The following RARA variants were observed in gnomAD, a reference collection of about 807,000 sequenced individuals.
RARA encodes retinoic acid receptor alpha.
RARA carries 5 observed loss-of-function variants against 42.8 expected under a neutral mutation model. That is an observed-to-expected ratio of 0.12 (90% CI 0.06 to 0.25). The LOEUF (loss-of-function observed/expected upper bound fraction) is 0.25, where lower values mean the gene tolerates loss of function less well. Ranked by LOEUF, RARA falls within the 10% of genes least tolerant of loss-of-function variation. The probability of loss-of-function intolerance (pLI) is 1.00; values close to 1 mark genes in which losing one functional copy is unlikely to be tolerated. For missense variants in RARA, 402 were observed against 628.7 expected (o/e 0.64, Z 3.86); for synonymous variants, 256 against 259.5 (o/e 0.99, Z 0.13).
In RARA at chr17:40,342,613, C is replaced by T. The variant is rs2034106795; in HGVS notation, c.179-5703C>T. On this transcript the variant is annotated intron_variant, in intron 2 of 8. Transcript: ENST00000254066. The stretch of plus-strand genomic sequence containing the variant: ...GGGGCGAGGGGACGTCTCCTCTCCC[C>T]CAGCTGCTCTGCTCGGATGGCGCCG... 4.7e-6 allele frequency: 7 copies of T among 1,486,266 alleles called. No individual in the cohort carries two copies. In the East Asian group the frequency reaches 9.9e-5, roughly 21 times the overall value. 92.1% of individuals were successfully genotyped at this position (1,486,266 alleles called of 1,614,324 possible).
intron 2 of RARA, among the ~76,000 whole-genome samples, chr17:40,336,173 G>T (rs1456145665): frequency 6.6e-6 from 1 of 152,074 alleles, no homozygotes; most frequent in Non-Finnish European, 1.5e-5. Context: ...CTGCCTCCAG[G>T]TTCAAGCGAT....
chr17:40,341,911 TGTA>T (rs1598566510), intron 2 of RARA: 2 of 1,087,744 alleles, frequency 1.8e-6, no homozygotes, highest in East Asian at 6.9e-5. Context: ...GGCGTCCCTC[TGTA>T]CTCTGTGTAC....
intron 3 of RARA, chr17:40,349,472 A>G (rs910616642): frequency 1.7e-5 from 5 of 299,720 alleles, no homozygotes; most frequent in Admixed American, 4.8e-5. Context: ...AGTTAGCCCC[A>G]TGTCTTCCTA....
intron 1 of RARA, among the ~76,000 whole-genome samples, chr17:40,315,131 T>C (rs1204150831): frequency 1.6e-4 from 10 of 62,624 alleles, no homozygotes; most frequent in South Asian, 5.5e-4. Context: ...TGCTTATATG[T>C]GTATATATAT....
chr17:40,351,821 CA>C lies in RARA; in HGVS notation c.470-88del. ...TGCTTACAAGCCTGGGTGACCTCCT[CA>C]GCAGCTGGCAGCTCTCTGTCAGGCT... On this transcript the variant is annotated intron_variant, in intron 4 of 8. Coordinates refer to ENST00000254066, the MANE Select transcript of RARA (RefSeq NM_000964.4). This position sits in a 1 kb window ranked among gnomAD's most constrained non-coding sequence, Gnocchi z 4.1. The C allele has an allele frequency of 6.6e-7, 1 of 1,521,358 alleles. No individual in the cohort carries two copies. The highest frequency in any genetic ancestry group is 8.8e-7 in the Non-Finnish European group (1 of 1,135,264). The allele number at this position is 1,521,358 out of a possible 1,614,324, so 94.2% of individuals were successfully genotyped here.
At chr17:40,349,742 C>G in intron 3 of RARA, 42 bp from the exon 4 acceptor site, 1 of 1,610,922 alleles carries the variant, frequency 6.2e-7, no homozygotes, top group Non-Finnish European at 8.5e-7. Context: ...ACTGCTCCCA[C>G]TGTGGGTGTG....
chr17:40,356,879 T>C lies in RARA; in HGVS notation c.*653T>C, dbSNP rs1055476590. The C allele has an allele frequency of 4.7e-6, 2 of 421,648 alleles. No homozygotes were observed. The highest frequency in any genetic ancestry group is 8.8e-6 in the Non-Finnish European group (2 of 227,304). 26.1% of individuals were successfully genotyped at this position (421,648 alleles called of 1,614,324 possible). ...GGGTGGGTCCGGGGGAGGGAGTGGCTCGGAAGGGGCCCCCACTCTCCTTTC... is the reference window on the plus strand; with the variant it reads ...GGGTGGGTCCGGGGGAGGGAGTGGCCCGGAAGGGGCCCCCACTCTCCTTTC... On this transcript the variant is annotated 3_prime_UTR_variant, in exon 9 of 9. Transcript: ENST00000254066.
chr17:40,350,342 A>G lies in RARA; in HGVS notation c.469+417A>G, dbSNP rs1194247322. 2.8e-5 allele frequency: 5 copies of G among 177,306 alleles called. No individual in the cohort carries two copies. The East Asian group carries it at 5.1e-4, about 18-fold the overall frequency. The allele number at this position is 177,306 out of a possible 1,614,324, so 11.0% of individuals were successfully genotyped here. The stretch of plus-strand genomic sequence containing the variant: ...TTCTGAGGGGTGCTTGGCTGGACTT[A>G]TGTGTGTATGGGGGGGTGGAAGGGC... On this transcript the variant is annotated intron_variant, in intron 4 of 8. Transcript: ENST00000254066.
Position 40,355,574 on chromosome 17 carries a change from G to A in RARA, c.1171+153G>A, listed in dbSNP as rs966444773. Among the ~76,000 whole-genome samples the A allele has an allele frequency of 2.0e-5, 3 of 152,334 alleles. No homozygotes were observed. The highest frequency in any genetic ancestry group is 3.4e-3 in the Middle Eastern group (1 of 294). On this transcript the variant is annotated intron_variant, in intron 8 of 8. Transcript: ENST00000254066. This position sits in a 1 kb window ranked among gnomAD's most constrained non-coding sequence, Gnocchi z 4.1. ...GGTCCCCTAGTGACTCCACTTTGCCGAGGTGGCCCGCCTGTGTCACCTTTG... is the reference window on the plus strand; with the variant it reads ...GGTCCCCTAGTGACTCCACTTTGCCAAGGTGGCCCGCCTGTGTCACCTTTG...
Position 40,352,208 on chromosome 17 carries a change from T to C in RARA, c.631-123T>C. On this transcript the variant is annotated intron_variant, in intron 5 of 8. Transcript: ENST00000254066. This position sits in a 1 kb window ranked among gnomAD's most constrained non-coding sequence, Gnocchi z 4.9. ...TCCCCTCTCTTCTCCCTCCTCCTGC[T>C]GCCTCTTCCCAAGGAGCTCCCAGGA... The C allele has an allele frequency of 6.7e-7, 1 of 1,499,148 alleles. No individual in the cohort carries two copies. Among genetic ancestry groups the C allele is most frequent in the Non-Finnish European group, 8.8e-7 (1 of 1,130,768 alleles). 92.9% of individuals were successfully genotyped at this position (1,499,148 alleles called of 1,614,324 possible). A position where few individuals can be genotyped will look rare whatever the true frequency, so the allele number is the denominator to read the frequency against.
intron 1 of RARA, among the ~76,000 whole-genome samples, chr17:40,315,905 C>A (rs1046155351): frequency 6.6e-6 from 1 of 152,240 alleles, no homozygotes; most frequent in South Asian, 2.1e-4. Context: ...TGAGGCGCCC[C>A]GAGCCTGTGG....
At chr17:40,341,543 G>A (rs1356186906) in intron 2 of RARA, 5 of 1,443,736 alleles carry the variant, frequency 3.5e-6, no homozygotes, top group Non-Finnish European at 3.7e-6. Context: ...GAGGTGGCCC[G>A]GTTCGGCCGG....
intron 1 of RARA, among the ~76,000 whole-genome samples, chr17:40,310,540 C>A (rs548649798): frequency 1.2e-4 from 18 of 152,080 alleles, no homozygotes; most frequent in South Asian, 1.0e-3. Flanking sequence ...CTCCCCGGGT[C>A]CCCTAAAGGT....
At chr17:40,319,171 G>A (rs1366964158) in intron 1 of RARA, among the ~76,000 whole-genome samples, 4 of 152,172 alleles carry the variant, frequency 2.6e-5, no homozygotes, top group Non-Finnish European at 5.9e-5. Context: ...AGCCTGTTGT[G>A]GGGTTGGGGG....
intron 1 of RARA, among the ~76,000 whole-genome samples, chr17:40,322,246 G>A (rs1425971581): frequency 6.6e-6 from 1 of 151,882 alleles, no homozygotes; most frequent in Admixed American, 6.6e-5. Context: ...GCAGTGAGGG[G>A]GATTCCTCAA....
At chr17:40,327,887 C>A (rs952162126) in intron 1 of RARA, among the ~76,000 whole-genome samples, 8 of 152,164 alleles carry the variant, frequency 5.3e-5, no homozygotes, top group Non-Finnish European at 1.0e-4. Flanking sequence ...GGGGCCAGGG[C>A]GGCAACTGGT....
chr17:40,335,122 G>C (rs2033807155), intron 2 of RARA, among the ~76,000 whole-genome samples: 1 of 152,102 alleles, frequency 6.6e-6, no homozygotes, highest in Admixed American at 6.5e-5. Context: ...GTGTGTATTG[G>C]GTGAGAGGGT....
In RARA at chr17:40,357,021, C is replaced by T. The variant is rs1188332863; in HGVS notation, c.*795C>T. On this transcript the variant is annotated 3_prime_UTR_variant, in exon 9 of 9. Coordinates refer to ENST00000254066, the MANE Select transcript of RARA (RefSeq NM_000964.4). ...TTCCCCTCCCTCCCACTGGAGAAGC[C>T]GCCAGCCCCTTTCTCCCTCTGCCTG... The T allele has an allele frequency of 4.2e-5, 16 of 384,904 alleles. 2 individuals carry two copies. The highest frequency in any genetic ancestry group is 3.2e-4 in the South Asian group (12 of 37,836). 23.8% of individuals were successfully genotyped at this position (384,904 alleles called of 1,614,324 possible).
chr17:40,342,640 C>G (rs1328056831), intron 2 of RARA: 22 of 1,548,184 alleles, frequency 1.4e-5, no homozygotes. Flanking sequence ...ATGGCGCCGC[C>G]GGCTGAGTGA....
Sources: gnomAD v4.1 joint callset for allele counts (sites outside exome capture counted in the v4.1 genomes callset) on GRCh38, gnomAD v4.1.1 for gene constraint, Gnocchi (gnomAD v3.1) non-coding constraint, MANE v1.5 for transcripts, NCBI Gene and HGNC (gene_info 2026-07-23, HGNC 2026-07-21) for gene names.